The following IQCH variants were observed in gnomAD, a reference collection of about 807,000 sequenced individuals.
The protein encoded by IQCH is IQ motif containing H.
In IQCH, 98 loss-of-function variants were observed where a neutral mutation model predicts 117.0. The ratio of observed to expected loss-of-function variants is 0.84; its 90% CI spans 0.71 to 0.99. The LOEUF is 0.99. Among genes scored for constraint, IQCH ranks in the 50% least tolerant of loss-of-function variants. The pLI, the probability that IQCH is intolerant of heterozygous loss-of-function variation, is 0.00. For synonymous variants in IQCH, 412 were observed against 448.2 expected (o/e 0.92, Z 1.02); for missense variants, 1,102 against 1,243.8 (o/e 0.89, Z 1.72).
At position 67,359,811 on chromosome 15, in the gene IQCH, G is replaced by A. The variant is rs1369139709; in HGVS notation, c.715-36G>A. ...TTTTGTAAAATTGCCCATGAGAGTCGTTTTGATTTAAACTGTGTCTCATTC... is the reference window on the plus strand; with the variant it reads ...TTTTGTAAAATTGCCCATGAGAGTCATTTTGATTTAAACTGTGTCTCATTC... On this transcript the variant is annotated intron_variant, in intron 7 of 20. Transcript: ENST00000335894. The surrounding 1 kb of genome is among the most constrained non-coding windows in gnomAD (Gnocchi z 4.5). The A allele has an allele frequency of 1.9e-6, 3 of 1,576,450 alleles. No homozygotes were observed. Among genetic ancestry groups the A allele is most frequent in the African/African-American group, 1.3e-5 (1 of 74,318 alleles).
chr15:67,382,802 T>C (rs958196956), intron 10 of IQCH, among the ~76,000 whole-genome samples: 12 of 152,166 alleles, frequency 7.9e-5, no homozygotes, highest in African/African-American at 2.9e-4. Context: ...CTTGAAGAAA[T>C]CATATCATTG....
rs889970211 is a variant in IQCH, at chr15:67,356,440, G to T, written c.638-905G>T. ...AGCTGAAGATATTCCTTGCAGCTCA[G>T]TTGAGGCAATCTAAGAGAACCAAGT... On this transcript the variant is annotated intron_variant, in intron 6 of 20. Coordinates refer to ENST00000335894, the MANE Select transcript of IQCH (RefSeq NM_001031715.3). This position sits in a 1 kb window ranked among gnomAD's most constrained non-coding sequence, Gnocchi z 5.3. 1.3e-5 allele frequency among the ~76,000 whole-genome samples: 2 copies of T among 152,204 alleles called. No homozygotes were observed. Among genetic ancestry groups the T allele is most frequent in the Non-Finnish European group, 2.9e-5 (2 of 68,020 alleles).
At chr15:67,325,204 G>C (rs56213124) in intron 4 of IQCH, among the ~76,000 whole-genome samples, 3,855 of 152,032 alleles carry the variant, frequency 0.025, 78 homozygotes, top group African/African-American at 0.052. Context: ...AAACCTATTT[G>C]ATTAATTTTT....
At chr15:67,316,708 T>G (rs1967863154) in intron 4 of IQCH, among the ~76,000 whole-genome samples, 1 of 152,180 alleles carries the variant, frequency 6.6e-6, no homozygotes, top group Admixed American at 6.5e-5. Context: ...ATTTTACATT[T>G]GGGGAAACTG....
At chr15:67,274,485 C>A (rs1381893009) in intron 3 of IQCH, among the ~76,000 whole-genome samples, 1 of 152,134 alleles carries the variant, frequency 6.6e-6, no homozygotes, top group Non-Finnish European at 1.5e-5. Flanking sequence ...AAATGTATTT[C>A]AACATTTCTG....
intron 18 of IQCH, among the ~76,000 whole-genome samples, chr15:67,480,118 T>C (rs1297594337): frequency 2.6e-5 from 4 of 152,230 alleles, no homozygotes; most frequent in Admixed American, 1.3e-4. Flanking sequence ...ATAGGCAATG[T>C]GCCACCATCC....
At chr15:67,281,077 C>T (rs1966336059) in intron 4 of IQCH, among the ~76,000 whole-genome samples, 1 of 152,096 alleles carries the variant, frequency 6.6e-6, no homozygotes, top group Non-Finnish European at 1.5e-5. Flanking sequence ...AACTCCCGAC[C>T]TCTTGATCCA....
Position 67,344,155 on chromosome 15 carries a change from C to T in IQCH, c.601C>T (p.His201Tyr). Residue 201 changes from histidine (H) to tyrosine (Y), a missense_variant, in exon 6 of 21, where the codon CAT becomes TAT. Coordinates refer to ENST00000335894, the MANE Select transcript of IQCH (RefSeq NM_001031715.3). ...PPITPRAAPLHSFDEARKIPT... is the reference protein window; with the variant it reads ...PPITPRAAPLYSFDEARKIPT... The stretch of plus-strand genomic sequence containing the variant: ...CATTACACCCAGAGCAGCTCCTCTG[C>T]ATAGTTTTGATGAAGCACGTAAGAT... 1 of 1,613,716 alleles carries T rather than the reference C, an allele frequency of 6.2e-7. No homozygotes were observed. Among genetic ancestry groups the T allele is most frequent in the Non-Finnish European group, 8.5e-7 (1 of 1,179,720 alleles).
Position 67,456,645 on chromosome 15 carries a change from T to C in IQCH, c.2506-8482T>C, listed in dbSNP as rs1033047825. Among the ~76,000 whole-genome samples, 1 of 152,240 alleles carries C rather than the reference T, an allele frequency of 6.6e-6. No homozygotes were observed. Among genetic ancestry groups the C allele is most frequent in the African/African-American group, 2.4e-5 (1 of 41,464 alleles). ...ACATAACTGTATTAGTATTGTGTTG[T>C]ATCTGACCGACATGTTCTATTTGGT... On this transcript the variant is annotated intron_variant, in intron 16 of 20. Coordinates refer to ENST00000335894, the MANE Select transcript of IQCH (RefSeq NM_001031715.3). The surrounding 1 kb of genome is among the most constrained non-coding windows in gnomAD (Gnocchi z 5.1).
In IQCH at chr15:67,401,199, A is replaced by AT. The variant is rs1374953533; in HGVS notation, c.2097+900dup. Among the ~76,000 whole-genome samples the AT allele has an allele frequency of 3.3e-5, 5 of 152,090 alleles. No individual in the cohort carries two copies. The East Asian group carries it at 5.8e-4, about 18-fold the overall frequency. The stretch of plus-strand genomic sequence containing the variant: ...TCTTAGCATGAATGGACGTGTATAG[A>AT]TTTTTTCCATGCACATTTGTGAAGG... On this transcript the variant is annotated intron_variant, in intron 14 of 20. Coordinates refer to ENST00000335894, the MANE Select transcript of IQCH (RefSeq NM_001031715.3). The surrounding 1 kb of genome is among the most constrained non-coding windows in gnomAD (Gnocchi z 4.7).
At chr15:67,484,248 A>T (rs557473378) in intron 18 of IQCH, among the ~76,000 whole-genome samples, 21 of 152,148 alleles carry the variant, frequency 1.4e-4, no homozygotes, top group African/African-American at 5.1e-4. Context: ...TCCACAAAAA[A>T]TACAAAAATT....
Position 67,372,522 on chromosome 15 carries a change from T to A in IQCH, c.1165T>A (p.Phe389Ile), listed in dbSNP as rs764654692. The A allele has an allele frequency of 1.2e-6, 2 of 1,614,080 alleles. No homozygotes were observed. The highest frequency in any genetic ancestry group is 3.3e-5 in the Admixed American group (2 of 60,008). ...GAAATGCTACAAAGCAAGAAAATTC[T>A]TCCTCTTTTATCGCCAGCAGAAGTG... ...TWKCYKARKF[F>I]LFYRQQKWAS... The change falls in exon 9 of 21, where the codon TTC becomes ATC. Residue 389 changes from phenylalanine (F) to isoleucine (I), a missense_variant. By Grantham distance (21) the Phe-to-Ile change is conservative. This residue lies in a region of IQCH where 650 missense variants were observed against 794.3 expected (regional missense o/e 0.82). Transcript: ENST00000335894.
In IQCH at chr15:67,436,695, C is replaced by T. The variant is rs192470875; in HGVS notation, c.2505+15118C>T. On this transcript the variant is annotated intron_variant, in intron 16 of 20. Coordinates refer to ENST00000335894, the MANE Select transcript of IQCH (RefSeq NM_001031715.3). This position sits in a 1 kb window ranked among gnomAD's most constrained non-coding sequence, Gnocchi z 5.1. ...CTTGCCCTCTGCCTGGAAAGAGACT[C>T]GGGGCTGTTGTGGAGAGGCATGGTG... is the stretch of plus-strand genomic sequence containing the variant. 5.3e-5 allele frequency among the ~76,000 whole-genome samples: 8 copies of T among 152,266 alleles called. No homozygotes were observed. The highest frequency in any genetic ancestry group is 3.3e-4 in the Admixed American group (5 of 15,298).
chr15:67,342,969 G>A lies in IQCH; in HGVS notation c.509-1094G>A, dbSNP rs1478202769. On this transcript the variant is annotated intron_variant, in intron 5 of 20. Transcript: ENST00000335894. This position sits in a 1 kb window ranked among gnomAD's most constrained non-coding sequence, Gnocchi z 4.7. ...TTAATAACAAATTCTTCTCCTAAATGATTCTTCAGTAAGTAAACTGAAGAT... is the reference window on the plus strand; with the variant it reads ...TTAATAACAAATTCTTCTCCTAAATAATTCTTCAGTAAGTAAACTGAAGAT... 6.6e-6 allele frequency among the ~76,000 whole-genome samples: 1 copy of A among 152,076 alleles called. No homozygotes were observed. The highest frequency in any genetic ancestry group is 1.5e-5 in the Non-Finnish European group (1 of 68,012).
rs530722142 is a variant in IQCH, at chr15:67,391,314, C to T, written c.1632+2308C>T. 1.3e-5 allele frequency among the ~76,000 whole-genome samples: 2 copies of T among 152,290 alleles called. No homozygotes were observed. Among genetic ancestry groups the T allele is most frequent in the South Asian group, 4.1e-4 (2 of 4,826 alleles). On this transcript the variant is annotated intron_variant, in intron 12 of 20. Transcript: ENST00000335894. The surrounding 1 kb of genome is among the most constrained non-coding windows in gnomAD (Gnocchi z 4.3). The stretch of plus-strand genomic sequence containing the variant: ...TTTAAAAATACAAAAATTAAATTCT[C>T]ACTTTCAAATCAGTTCTTGTTCATG...
intron 15 of IQCH, among the ~76,000 whole-genome samples, chr15:67,419,738 A>C (rs991573288): frequency 1.3e-5 from 2 of 152,108 alleles, no homozygotes; most frequent in African/African-American, 4.8e-5. Flanking sequence ...TTTACAATTC[A>C]CAATTTTTTT....
rs2081364686 is a variant in IQCH, at chr15:67,408,576, T to C, written c.2097+8271T>C. On this transcript the variant is annotated intron_variant, in intron 14 of 20. Transcript: ENST00000335894. The surrounding 1 kb of genome is among the most constrained non-coding windows in gnomAD (Gnocchi z 4.2). ...TCAAACAAGGCACAGCTCTTCACTC[T>C]GATTAACTAAAGTCACTGCTTGCCC... The C allele has an allele frequency of 6.6e-6, 1 of 152,224 alleles. No individual in the cohort carries two copies. Among genetic ancestry groups the C allele is most frequent in the African/African-American group, 2.4e-5 (1 of 41,466 alleles). 9.4% of individuals were successfully genotyped at this position (152,224 alleles called of 1,614,324 possible). A position where few individuals can be genotyped will look rare whatever the true frequency, so the allele number is the denominator to read the frequency against.
chr15:67,324,798 G>T (rs1968330541), intron 4 of IQCH, among the ~76,000 whole-genome samples: 2 of 151,954 alleles, frequency 1.3e-5, no homozygotes. Context: ...TCCTCTGTGG[G>T]TATAATGGAT....
rs1407002680 is a variant in IQCH, at chr15:67,400,134, G to T, written c.1926G>T (p.Gln642His). The change falls in exon 14 of 21, where the codon CAG (glutamine) becomes CAT (histidine). Residue 642 changes from glutamine to histidine, a missense_variant. Gln to His is a conservative substitution (Grantham distance 24). Coordinates refer to ENST00000335894, the MANE Select transcript of IQCH (RefSeq NM_001031715.3). ...SQQQMIEQLS[Q>H]LITDHLQIQR... ...CACAGATGATAGAGCAGCTGAGTCA[G>T]CTGATAACTGATCACCTGCAAATAC... 6.2e-7 allele frequency: 1 copy of T among 1,613,738 alleles called. No individual in the cohort carries two copies. Among genetic ancestry groups the T allele is most frequent in the Non-Finnish European group, 8.5e-7 (1 of 1,179,876 alleles).
Sources: allele counts gnomAD v4.1 joint callset (sites outside exome capture counted in the v4.1 genomes callset), GRCh38; gene constraint gnomAD v4.1.1; regional missense constraint gnomAD v4.1.1; non-coding constraint Gnocchi (gnomAD v3.1); transcripts MANE v1.5; gene names NCBI Gene and HGNC (gene_info 2026-07-23, HGNC 2026-07-21).